Variants in SLC25A24 observed in about 807,000 individuals in gnomAD.
SLC25A24 encodes mitochondrial adenyl nucleotide antiporter SLC25A24.
Under a neutral mutation model 60.7 loss-of-function variants are expected in SLC25A24, and 49 were observed. The ratio of observed to expected loss-of-function variants is 0.81; its 90% CI spans 0.64 to 1.02. The LOEUF is 1.02. Among genes scored for constraint, SLC25A24 ranks in the 50% least tolerant of loss-of-function variants. The probability of loss-of-function intolerance (pLI) is 0.00; values close to 1 mark genes in which losing one functional copy is unlikely to be tolerated. For synonymous variants in SLC25A24, 202 were observed against 200.6 expected (o/e 1.01, Z -0.06); for missense variants, 564 against 586.3 (o/e 0.96, Z 0.39).
chr1:108,153,196 A>G (rs1679802330), intron 6 of SLC25A24, among the ~76,000 whole-genome samples: 1 of 152,238 alleles, frequency 6.6e-6, no homozygotes, highest in Non-Finnish European at 1.5e-5. Flanking sequence ...TGTCAATGAT[A>G]CAATGACACT....
At chr1:108,140,624 CAT>C (rs533647976) in intron 8 of SLC25A24, among the ~76,000 whole-genome samples, 20 of 151,722 alleles carry the variant, frequency 1.3e-4, no homozygotes, top group Non-Finnish European at 2.7e-4. Context: ...TATCAAAAGA[CAT>C]AAAGTTTGTG....
chr1:108,157,647 T>C (rs879505350), intron 4 of SLC25A24, 27 bp from the exon 5 acceptor site: 98 of 1,599,036 alleles, frequency 6.1e-5, no homozygotes, highest in Non-Finnish European at 7.6e-5. Flanking sequence ...AAGATCCCCA[T>C]GCGCCTTAGT....
At position 108,160,296 on chromosome 1, in the gene SLC25A24, G is replaced by A. The variant is rs1364406387; in HGVS notation, c.510+886C>T. Among the ~76,000 whole-genome samples, 6 of 149,026 alleles carry A rather than the reference G, an allele frequency of 4.0e-5. No homozygotes were observed. In the East Asian group the frequency reaches 6.1e-4, roughly 15 times the overall value. Reference sequence around the variant, plus strand: ...AGACGATGGGCGGCCGGGCAGAGACGCTCCTCACTTCCTAGATGGGATGGC... The same window carrying A: ...AGACGATGGGCGGCCGGGCAGAGACACTCCTCACTTCCTAGATGGGATGGC... On this transcript the variant is annotated intron_variant, in intron 4 of 9. Transcript: ENST00000565488.
At chr1:108,191,290 C>T (rs1435641775) in intron 1 of SLC25A24, among the ~76,000 whole-genome samples, 2 of 138,252 alleles carry the variant, frequency 1.4e-5, no homozygotes, top group African/African-American at 2.5e-5. Flanking sequence ...CCACCACACC[C>T]GGTTAATTTT....
chr1:108,145,806 C>T (rs899914429), intron 7 of SLC25A24, among the ~76,000 whole-genome samples: 4 of 152,082 alleles, frequency 2.6e-5, no homozygotes, highest in African/African-American at 9.7e-5. Context: ...GTTACTGTAG[C>T]CTTGTAGTAT....
intron 2 of SLC25A24, among the ~76,000 whole-genome samples, chr1:108,184,086 A>G (rs962087993): frequency 6.6e-6 from 1 of 152,228 alleles, no homozygotes; most frequent in African/African-American, 2.4e-5. Context: ...AAAATACACA[A>G]ACATGGGAAA....
At chr1:108,154,032 G>A (rs1679820391) in intron 6 of SLC25A24, among the ~76,000 whole-genome samples, 1 of 149,980 alleles carries the variant, frequency 6.7e-6, no homozygotes, top group Admixed American at 6.6e-5. Flanking sequence ...CCTTCCCAAG[G>A]ATAGGTTCTA....
intron 3 of SLC25A24, among the ~76,000 whole-genome samples, chr1:108,166,541 A>G (rs1571296061): frequency 6.6e-6 from 1 of 151,830 alleles, no homozygotes; most frequent in South Asian, 2.1e-4. Flanking sequence ...CATTTCATTC[A>G]TTTCATCTTC....
At chr1:108,164,367 G>T (rs1440529635) in intron 3 of SLC25A24, among the ~76,000 whole-genome samples, 3 of 149,340 alleles carry the variant, frequency 2.0e-5, no homozygotes, top group Non-Finnish European at 4.5e-5. Flanking sequence ...AGAAGGAATG[G>T]TACCAGTTCC....
intron 3 of SLC25A24, among the ~76,000 whole-genome samples, chr1:108,165,614 AC>A (rs1178827044): frequency 3.3e-5 from 5 of 151,730 alleles, no homozygotes; most frequent in African/African-American, 1.2e-4. Flanking sequence ...TAGGATTGCA[AC>A]CCCTGTCTTT....
At chr1:108,163,109 A>G (rs1095991) in intron 3 of SLC25A24, among the ~76,000 whole-genome samples, 27,768 of 125,574 alleles carry the variant, frequency 0.22, 3,072 homozygotes, top group Admixed American at 0.24. Flanking sequence ...AGTTGTAGAT[A>G]TGCGGCGTTA....
intron 3 of SLC25A24, among the ~76,000 whole-genome samples, chr1:108,174,859 G>A (rs1647614979): frequency 6.6e-6 from 1 of 152,200 alleles, no homozygotes; most frequent in Non-Finnish European, 1.5e-5. Context: ...CTTGGGGCCT[G>A]TAGCCCCTTC....
rs12404810 is a variant in SLC25A24 at position 108,136,385 on chromosome 1, G to C, written c.*268C>G. The C allele has an allele frequency of 1.8e-5, 5 of 275,514 alleles. No homozygotes were observed. Among genetic ancestry groups the C allele is most frequent in the Non-Finnish European group, 2.7e-5 (4 of 148,648 alleles). 17.1% of individuals were successfully genotyped at this position (275,514 alleles called of 1,614,324 possible). A position where few individuals can be genotyped will look rare whatever the true frequency, so the allele number is the denominator to read the frequency against. On this transcript the variant is annotated 3_prime_UTR_variant, in exon 10 of 10. Transcript: ENST00000565488. ...TCAAGCCAGTACATTTTCAGATTTC[G>C]GATTCAGGGCAGAGATTTGCAGGAT...
rs1444991988 is a variant in SLC25A24 at position 108,159,559 on chromosome 1, C to T, written c.510+1623G>A. On this transcript the variant is annotated intron_variant, in intron 4 of 9. Coordinates refer to ENST00000565488, the MANE Select transcript of SLC25A24 (RefSeq NM_013386.5). Reference sequence around the variant, plus strand: ...AGGACAATAGTGGAGGGAAGGTCAGCAGATAAACAAGTGAACAAAGGTCTC... The same window carrying T: ...AGGACAATAGTGGAGGGAAGGTCAGTAGATAAACAAGTGAACAAAGGTCTC... Among the ~76,000 whole-genome samples, 3 of 148,840 alleles carry T rather than the reference C, an allele frequency of 2.0e-5. No homozygotes were observed. The Admixed American group carries it at 2.0e-4, about 10-fold the overall frequency.
intron 4 of SLC25A24, 146 bp downstream of exon 4, chr1:108,161,036 C>A: frequency 1.9e-6 from 1 of 535,796 alleles, no homozygotes; most frequent in South Asian, 3.0e-5. Context: ...AAATCTATGC[C>A]TAATAGAATA....
intron 1 of SLC25A24, among the ~76,000 whole-genome samples, chr1:108,187,331 A>C (rs1648167655): frequency 6.6e-6 from 1 of 152,162 alleles, no homozygotes; most frequent in South Asian, 2.1e-4. Flanking sequence ...AAAGAAGTTG[A>C]AGGAAATAAA....
chr1:108,158,552 T>C (rs947960228), intron 4 of SLC25A24, among the ~76,000 whole-genome samples: 1 of 152,202 alleles, frequency 6.6e-6, no homozygotes, highest in Admixed American at 6.5e-5. Context: ...TATTATCTTA[T>C]ACTCATAGCT....
intron 1 of SLC25A24, among the ~76,000 whole-genome samples, chr1:108,187,837 CA>C (rs1350393649): frequency 6.8e-6 from 1 of 147,850 alleles, no homozygotes; most frequent in Non-Finnish European, 1.5e-5. Flanking sequence ...AAATTACAAG[CA>C]ATGTCAACTA....
intron 1 of SLC25A24, among the ~76,000 whole-genome samples, chr1:108,187,863 A>T (rs1302577854): frequency 6.8e-6 from 1 of 146,112 alleles, no homozygotes; most frequent in Non-Finnish European, 1.5e-5. Context: ...AAAAGATGCA[A>T]AACTCCTGTA....
Sources: gnomAD v4.1 joint callset for allele counts (sites outside exome capture counted in the v4.1 genomes callset) on GRCh38, gnomAD v4.1.1 for gene constraint, MANE v1.5 for transcripts, NCBI Gene and HGNC (gene_info 2026-07-23, HGNC 2026-07-21) for gene names.